Variants in ASPH observed in about 807,000 individuals in gnomAD.
The protein encoded by ASPH is aspartyl/asparaginyl beta-hydroxylase.
ASPH carries 100 observed loss-of-function variants against 118.4 expected under a neutral mutation model. The observed-to-expected ratio is 0.84, with a 90% confidence interval of 0.72 to 1.00. ASPH has a LOEUF of 1.00. Ranked by LOEUF, ASPH falls within the 50% of genes least tolerant of loss-of-function variation. ASPH has a pLI of 0.00. For synonymous variants in ASPH, 315 were observed against 325.6 expected, an observed-to-expected ratio of 0.97 and a Z score of 0.35; for missense variants, 920 against 919.5, an observed-to-expected ratio of 1.00 and a Z score of -0.01.
intron 21 of ASPH, among the ~76,000 whole-genome samples, chr8:61,536,831 G>C (rs1385937369): frequency 6.6e-6 from 1 of 151,956 alleles, no homozygotes; most frequent in Non-Finnish European, 1.5e-5. Context: ...TGGTTTCCTG[G>C]GCAGGTTACT....
At chr8:61,564,598 C>T (rs931845184) in intron 17 of ASPH, among the ~76,000 whole-genome samples, 1 of 152,204 alleles carries the variant, frequency 6.6e-6, no homozygotes, top group Non-Finnish European at 1.5e-5. Flanking sequence ...TGCGTCCGGG[C>T]AGTAATGCTG....
At chr8:61,630,232 A>T (rs1215290962) in intron 13 of ASPH, among the ~76,000 whole-genome samples, 2 of 152,184 alleles carry the variant, frequency 1.3e-5, no homozygotes, top group African/African-American at 4.8e-5. Flanking sequence ...GTTCCAAGGG[A>T]AAAGAAAAAG....
chr8:61,593,328 A>G (rs1024245701), intron 14 of ASPH, among the ~76,000 whole-genome samples: 1 of 151,922 alleles, frequency 6.6e-6, no homozygotes, highest in Non-Finnish European at 1.5e-5. Context: ...AAGAAGAAGT[A>G]AATTTGGGCA....
intron 1 of ASPH, among the ~76,000 whole-genome samples, chr8:61,700,845 T>C (rs1324360430): frequency 6.6e-6 from 1 of 152,260 alleles, no homozygotes; most frequent in African/African-American, 2.4e-5. Context: ...AAGTAAACTG[T>C]AGACATCAGC....
At chr8:61,537,770 T>A (rs1272976123) in intron 21 of ASPH, among the ~76,000 whole-genome samples, 3 of 152,176 alleles carry the variant, frequency 2.0e-5, no homozygotes, top group Admixed American at 2.0e-4. Context: ...TTCTGAAATA[T>A]CAAACGTTGT....
At chr8:61,694,544 TCAG>T (rs920796831) in intron 1 of ASPH, among the ~76,000 whole-genome samples, 3 of 152,182 alleles carry the variant, frequency 2.0e-5, no homozygotes, top group Admixed American at 2.0e-4. Flanking sequence ...CTTGACCCTC[TCAG>T]CAGAACTCTC....
At chr8:61,578,878 A>T (rs144682733) in intron 15 of ASPH, 1 of 1,612,786 alleles carries the variant, frequency 6.2e-7, no homozygotes, top group East Asian at 2.2e-5. Context: ...CTGACTGACG[A>T]GATCAACTTC....
chr8:61,689,710 A>C, intron 1 of ASPH: 1 of 1,579,476 alleles, frequency 6.3e-7, no homozygotes, highest in Non-Finnish European at 8.6e-7. Flanking sequence ...CAATCCATGA[A>C]TAATAAATGC....
chr8:61,583,876 TA>T, intron 15 of ASPH, 67 bp downstream of exon 15: 1 of 1,152,262 alleles, frequency 8.7e-7, no homozygotes, highest in South Asian at 1.4e-5. Context: ...TTTTTTTTTT[TA>T]ACAAATCAAG....
chr8:61,586,437 T>C (rs1317265), intron 14 of ASPH, among the ~76,000 whole-genome samples: 79,871 of 152,020 alleles, frequency 0.53, 23,618 homozygotes, highest in Non-Finnish European at 0.67. Flanking sequence ...TTGCAGAGAA[T>C]GACACCCAAT....
chr8:61,651,684 A>G (rs1811073830), intron 4 of ASPH, among the ~76,000 whole-genome samples: 1 of 152,262 alleles, frequency 6.6e-6, no homozygotes, highest in Non-Finnish European at 1.5e-5. Context: ...CTTACATTGT[A>G]ACTGACAATC....
At chr8:61,517,496 G>A in intron 24 of ASPH, 32 bp downstream of exon 24, 1 of 1,606,752 alleles carries the variant, frequency 6.2e-7, no homozygotes, top group Non-Finnish European at 8.5e-7. Flanking sequence ...CCTCTGAGGT[G>A]ACGGATATGA....
At chr8:61,705,256 T>G (rs1408152840) in intron 1 of ASPH, among the ~76,000 whole-genome samples, 1 of 151,942 alleles carries the variant, frequency 6.6e-6, no homozygotes, top group Non-Finnish European at 1.5e-5. Context: ...GGGTGGAGGG[T>G]GGGAGGAAGG....
chr8:61,654,992 A>G (rs1329439119), intron 3 of ASPH, among the ~76,000 whole-genome samples: 1 of 152,158 alleles, frequency 6.6e-6, no homozygotes, highest in Non-Finnish European at 1.5e-5. Context: ...TTAAATAATC[A>G]TTTTTACATC....
At chr8:61,632,380 TATAAA>T (rs1855978586) in intron 13 of ASPH, among the ~76,000 whole-genome samples, 1 of 152,230 alleles carries the variant, frequency 6.6e-6, no homozygotes, top group African/African-American at 2.4e-5. Flanking sequence ...TTTTTAGGAA[TATAAA>T]ATAATTTTCT....
At chr8:61,617,683 C>T (rs933988384) in intron 14 of ASPH, among the ~76,000 whole-genome samples, 1 of 151,994 alleles carries the variant, frequency 6.6e-6, no homozygotes, top group Non-Finnish European at 1.5e-5. Context: ...GTAACCTCAG[C>T]ACTTTGGGAG....
At chr8:61,597,196 G>GA (rs34291472) in intron 14 of ASPH, among the ~76,000 whole-genome samples, 63,151 of 112,662 alleles carry the variant, frequency 0.56, 18,328 homozygotes, top group Non-Finnish European at 0.67. Flanking sequence ...ATCCAGTCAG[G>GA]AAAAAAAAAA....
At chr8:61,503,656 C>T (rs1805368390) in intron 24 of ASPH, 147 bp from the exon 25 acceptor site, 4 of 745,512 alleles carry the variant, frequency 5.4e-6, no homozygotes, top group Non-Finnish European at 8.1e-6. Flanking sequence ...CAAGTTTATT[C>T]TTCCCTTGAT....
intron 1 of ASPH, among the ~76,000 whole-genome samples, chr8:61,688,022 T>C (rs1563605243): frequency 6.6e-6 from 1 of 152,166 alleles, no homozygotes; most frequent in Non-Finnish European, 1.5e-5. Flanking sequence ...TGTCATTTGG[T>C]AAATATGCTG....
Sources: allele counts gnomAD v4.1 joint callset (sites outside exome capture counted in the v4.1 genomes callset), GRCh38; gene constraint gnomAD v4.1.1; transcripts MANE v1.5; gene names NCBI Gene and HGNC (gene_info 2026-07-23, HGNC 2026-07-21).